Variants in REEP5 observed in about 807,000 individuals in gnomAD.
REEP5 encodes the protein receptor expression-enhancing protein 5.
A neutral mutation model predicts 22.4 loss-of-function variants in REEP5; 24 were observed. The ratio of observed to expected loss-of-function variants is 1.07; its 90% CI spans 0.78 to 1.51. REEP5 has a LOEUF of 1.51. Ranked by LOEUF, REEP5 falls within the 40% of genes most tolerant of loss-of-function variation. The probability of loss-of-function intolerance (pLI) is 0.00; values close to 1 mark genes in which losing one functional copy is unlikely to be tolerated. For synonymous variants in REEP5, 103 were observed against 88.6 expected, an observed-to-expected ratio of 1.16 and a Z score of -0.92; for missense variants, 252 against 233.0, an observed-to-expected ratio of 1.08 and a Z score of -0.53.
At chr5:112,921,027 C>T in intron 2 of REEP5, 136 bp downstream of exon 2, 1 of 765,644 alleles carries the variant, frequency 1.3e-6, no homozygotes, top group Non-Finnish European at 2.2e-6. Context: ...TATCCCCACC[C>T]CTTATGTCCA....
Position 112,881,243 on chromosome 5 carries a change from T to C in REEP5, c.521-2408A>G, listed in dbSNP as rs149135299. ...TAGACTGGATTTGTATGCCCAAAAA[T>C]AGGAGTCCAGAGAAGAGAGGTCTGT... On this transcript the variant is annotated intron_variant, in intron 4 of 4. Transcript: ENST00000379638. Among the ~76,000 whole-genome samples the C allele has an allele frequency of 1.1e-3, 160 of 147,336 alleles. 1 individual carries two copies. The highest frequency in any genetic ancestry group is 3.7e-3 in the Middle Eastern group (1 of 268).
Position 112,892,943 on chromosome 5 carries a change from G to A in REEP5, c.352-5760C>T, listed in dbSNP as rs781351833. 18 of 1,599,754 alleles carry A rather than the reference G, an allele frequency of 1.1e-5. No individual in the cohort carries two copies. In the South Asian group the frequency reaches 2.0e-4, roughly 18 times the overall value. On this transcript the variant is annotated intron_variant, in intron 3 of 4. Transcript: ENST00000379638. The stretch of plus-strand genomic sequence containing the variant: ...AGCAGAGGAAGAAATAGGCACCGCA[G>A]CTGGGACCAGGGCCGCCGGAGCCAG...
intron 4 of REEP5, chr5:112,885,346 T>C (rs1293981857): frequency 1.7e-5 from 3 of 174,972 alleles, no homozygotes; most frequent in Admixed American, 6.5e-5. Flanking sequence ...CCAAAAACTT[T>C]TGCTAGAAAA....
rs762140400 is a variant in REEP5, at chr5:112,892,683, T to C, written c.352-5500A>G. The C allele has an allele frequency of 4.3e-6, 7 of 1,613,928 alleles. No homozygotes were observed. The Admixed American group carries it at 5.0e-5, about 12-fold the overall frequency. ...CCAACAATGAATTCTGGGAAGCTAA[T>C]AGAGACATCTACTTGTCTTCAGATC... On this transcript the variant is annotated intron_variant, in intron 3 of 4. Coordinates refer to ENST00000379638, the MANE Select transcript of REEP5 (RefSeq NM_005669.5).
chr5:112,919,711 C>T lies in REEP5; in HGVS notation c.212+1452G>A, dbSNP rs906620716. On this transcript the variant is annotated intron_variant, in intron 2 of 4. Transcript: ENST00000379638. ...CCATCTTTGAAGCAGGGAGCAAGCC[C>T]TCACCGGACACCAAATCTGCTGGTG... is the stretch of plus-strand genomic sequence containing the variant. Among the ~76,000 whole-genome samples the T allele has an allele frequency of 1.1e-4, 16 of 152,290 alleles. No individual in the cohort carries two copies. The South Asian group carries it at 3.1e-3, about 30-fold the overall frequency.
chr5:112,908,495 A>G (rs1045857020), intron 2 of REEP5, among the ~76,000 whole-genome samples: 1 of 152,064 alleles, frequency 6.6e-6, no homozygotes, highest in Admixed American at 6.6e-5. Context: ...AACATCAGCT[A>G]TATTCATTTA....
intron 3 of REEP5, 82 bp downstream of exon 3, chr5:112,902,298 A>C: frequency 1.5e-6 from 2 of 1,355,106 alleles, no homozygotes; most frequent in Non-Finnish European, 2.0e-6. Flanking sequence ...AGAGCCACAG[A>C]TGCACAACAT....
At position 112,892,610 on chromosome 5, in the gene REEP5, A is replaced by G. The variant is rs574112568; in HGVS notation, c.352-5427T>C. 3.2e-4 allele frequency: 524 copies of G among 1,614,204 alleles called. 4 individuals carry two copies. The South Asian group carries it at 5.5e-3, about 17-fold the overall frequency. On this transcript the variant is annotated intron_variant, in intron 3 of 4. Transcript: ENST00000379638. The stretch of plus-strand genomic sequence containing the variant: ...ATTTGTGGTTTATTTGAAATACAAC[A>G]ATGTCCAAGAGGAAAACACTGCAAC...
Position 112,878,619 on chromosome 5 carries a change from T to C in REEP5, c.*167A>G, listed in dbSNP as rs1354345415. On this transcript the variant is annotated 3_prime_UTR_variant, in exon 5 of 5. Transcript: ENST00000379638. The stretch of plus-strand genomic sequence containing the variant: ...AAGTTTAAAGTGCTCCCTATATATA[T>C]AGACAGTAAAAGTAAGCAAAGAAAC... The C allele has an allele frequency of 1.0e-6, 1 of 988,754 alleles. No individual in the cohort carries two copies. 61.2% of individuals were successfully genotyped at this position (988,754 alleles called of 1,614,324 possible).
rs1255208303 is a variant in REEP5, at chr5:112,876,791, C to T, written c.*1995G>A. 6.6e-6 allele frequency: 1 copy of T among 151,930 alleles called. No homozygotes were observed. The highest frequency in any genetic ancestry group is 1.5e-5 in the Non-Finnish European group (1 of 67,980). 9.4% of individuals were successfully genotyped at this position (151,930 alleles called of 1,614,324 possible). On this transcript the variant is annotated 3_prime_UTR_variant, in exon 5 of 5. Coordinates refer to ENST00000379638, the MANE Select transcript of REEP5 (RefSeq NM_005669.5). Reference sequence around the variant, plus strand: ...CTGTTAACATTTACACTTAGACTGCCAGCAACAGTTAACTTAAATTTTGGT... The same window carrying T: ...CTGTTAACATTTACACTTAGACTGCTAGCAACAGTTAACTTAAATTTTGGT...
chr5:112,918,075 G>A (rs1769269666), intron 2 of REEP5, among the ~76,000 whole-genome samples: 1 of 152,146 alleles, frequency 6.6e-6, no homozygotes, highest in South Asian at 2.1e-4. Flanking sequence ...CAGTAAAAGA[G>A]GGAAGTAAGG....
At chr5:112,879,592 G>A (rs1261833688) in intron 4 of REEP5, among the ~76,000 whole-genome samples, 1 of 152,098 alleles carries the variant, frequency 6.6e-6, no homozygotes, top group Admixed American at 6.5e-5. Flanking sequence ...TCCTGCCTCA[G>A]CCTCCCGAGT....
intron 3 of REEP5, among the ~76,000 whole-genome samples, chr5:112,887,900 C>T (rs1768309453): frequency 1.3e-5 from 2 of 152,164 alleles, no homozygotes; most frequent in South Asian, 4.1e-4. Context: ...CAACTCGTCA[C>T]TTCAAGTCAT....
At chr5:112,879,010 GA>G (rs1371647935) in intron 4 of REEP5, among the ~76,000 whole-genome samples, 175 bp from the exon 5 acceptor site, 1 of 151,980 alleles carries the variant, frequency 6.6e-6, no homozygotes, top group East Asian at 1.9e-4. Context: ...AGGAAATGGA[GA>G]AGGTACCTCT....
chr5:112,915,895 A>AC (rs1422595577), intron 2 of REEP5, among the ~76,000 whole-genome samples: 2 of 151,592 alleles, frequency 1.3e-5, no homozygotes, highest in African/African-American at 2.4e-5. Context: ...AAAAAAAAAA[A>AC]AACCCACAAG....
At chr5:112,904,379 GATTT>G (rs911046295) in intron 2 of REEP5, among the ~76,000 whole-genome samples, 1 of 151,300 alleles carries the variant, frequency 6.6e-6, no homozygotes, top group African/African-American at 2.5e-5. Context: ...TATTTAATTG[GATTT>G]ATTTAATTAT....
Position 112,878,821 on chromosome 5 carries a change from C to A in REEP5, c.535G>T (p.Val179Leu), listed in dbSNP as rs562225362. ...TTCTTTTCTTCACCCAGTAAATTCA[C>A]GGTAGCTTTCTTCGCTGTTTGTTTG... ...AITKEAKKATVNLLGEEKKST is the reference protein window; with the variant it reads ...AITKEAKKATLNLLGEEKKST The change falls in exon 5 of 5, where the codon GTG (valine) becomes TTG (leucine). Residue 179 changes from valine to leucine, a missense_variant. Coordinates refer to ENST00000379638, the MANE Select transcript of REEP5 (RefSeq NM_005669.5). 2 of 1,614,036 alleles carry A rather than the reference C, an allele frequency of 1.2e-6. No individual in the cohort carries two copies. The highest frequency in any genetic ancestry group is 1.7e-6 in the Non-Finnish European group (2 of 1,180,006).
At position 112,881,792 on chromosome 5, in the gene REEP5, G is replaced by A. The variant is rs537657788; in HGVS notation, c.521-2957C>T. ...TATTATTTATTTATTTAGAGACAGG[G>A]TCTCACTCTGTCACCCAGGCTGGAA... On this transcript the variant is annotated intron_variant, in intron 4 of 4. Coordinates refer to ENST00000379638, the MANE Select transcript of REEP5 (RefSeq NM_005669.5). Among the ~76,000 whole-genome samples the A allele has an allele frequency of 2.0e-5, 3 of 152,104 alleles. No homozygotes were observed. The South Asian group carries it at 6.2e-4, about 32-fold the overall frequency.
chr5:112,913,225 G>A (rs1020661153), intron 2 of REEP5, among the ~76,000 whole-genome samples: 1 of 152,072 alleles, frequency 6.6e-6, no homozygotes, highest in African/African-American at 2.4e-5. Context: ...AACCCGGGAG[G>A]TGGAGGCTGC....
Sources: gnomAD v4.1 joint callset for allele counts (sites outside exome capture counted in the v4.1 genomes callset) on GRCh38, gnomAD v4.1.1 for gene constraint, MANE v1.5 for transcripts, NCBI Gene and HGNC (gene_info 2026-07-23, HGNC 2026-07-21) for gene names.